The following PSMG4 variants were observed in gnomAD, a reference collection of about 807,000 sequenced individuals.
PSMG4 encodes the protein proteasome (prosome, macropain) assembly chaperone 4.
A neutral mutation model predicts 11.0 loss-of-function variants in PSMG4; 10 were observed. The observed-to-expected ratio is 0.91, with a 90% confidence interval of 0.56 to 1.54. The LOEUF (loss-of-function observed/expected upper bound fraction) is 1.54, where lower values mean the gene tolerates loss of function less well. Among genes scored for constraint, PSMG4 ranks in the 40% most tolerant of loss-of-function variants. The pLI is 0.00. For synonymous variants in PSMG4, 95 were observed against 71.3 expected (o/e 1.33, Z -1.68); for missense variants, 198 against 160.9 (o/e 1.23, Z -1.25).
chr6:3,261,708 T>C (rs1757997095), intron 1 of PSMG4, among the ~76,000 whole-genome samples: 1 of 152,062 alleles, frequency 6.6e-6, no homozygotes, highest in African/African-American at 2.4e-5. Flanking sequence ...GGTGTAGGCA[T>C]TAGCTTAAGG....
upstream of PSMG4, among the ~76,000 whole-genome samples, chr6:3,254,779 T>A (rs908075566): frequency 2.0e-5 from 3 of 152,178 alleles, no homozygotes; most frequent in African/African-American, 7.2e-5. Flanking sequence ...CTGTAGGGTC[T>A]GGCTGAATGC....
Position 3,259,205 on chromosome 6 carries a change from C to T in PSMG4, c.174+9C>T. Reference sequence around the variant, plus strand: ...CCATGTGCAGCCGCTACGTGAGTGCCTGGCGGCCGAGGGTGCGGGCGGCGG... The same window carrying T: ...CCATGTGCAGCCGCTACGTGAGTGCTTGGCGGCCGAGGGTGCGGGCGGCGG... On this transcript the variant is annotated intron_variant, in intron 1 of 2. Coordinates refer to ENST00000438998, the MANE Select transcript of PSMG4 (RefSeq NM_001128591.2). 1 of 1,285,426 alleles carries T rather than the reference C, an allele frequency of 7.8e-7. No homozygotes were observed. The highest frequency in any genetic ancestry group is 9.8e-7 in the Non-Finnish European group (1 of 1,018,136). 79.6% of individuals were successfully genotyped at this position (1,285,426 alleles called of 1,614,324 possible). A position where few individuals can be genotyped will look rare whatever the true frequency, so the allele number is the denominator to read the frequency against.
Position 3,263,774 on chromosome 6 carries a change from C to T in PSMG4, c.250+15C>T. ...CCAGCGCCTAGGTATGTACCCACAG[C>T]TGGCGCTGCATGGCCAGCCAGGTGG... On this transcript the variant is annotated intron_variant, in intron 2 of 2. Transcript: ENST00000438998. 6.5e-7 allele frequency: 1 copy of T among 1,549,346 alleles called. No homozygotes were observed. The highest frequency in any genetic ancestry group is 8.7e-7 in the Non-Finnish European group (1 of 1,145,624).
upstream of PSMG4, chr6:3,258,793 G>A: frequency 2.6e-6 from 1 of 382,504 alleles, no homozygotes; most frequent in Non-Finnish European, 4.6e-6. Context: ...AGGCCAGCAA[G>A]ACAACCAGGG....
At chr6:3,257,058 C>T (rs1217232733), upstream of PSMG4, among the ~76,000 whole-genome samples, 3 of 152,076 alleles carry the variant, frequency 2.0e-5, no homozygotes, top group African/African-American at 7.2e-5. Context: ...ACAGAGTGAG[C>T]AGAAGGAAAG....
chr6:3,256,379 C>G (rs933579427), upstream of PSMG4, among the ~76,000 whole-genome samples: 3 of 152,186 alleles, frequency 2.0e-5, no homozygotes, highest in Non-Finnish European at 4.4e-5. Flanking sequence ...TTTTCTGTTC[C>G]TGTATGGATG....
upstream of PSMG4, chr6:3,255,085 A>T (rs982606623): frequency 6.4e-7 from 1 of 1,551,046 alleles, no homozygotes; most frequent in Non-Finnish European, 8.7e-7. Context: ...TCTATTCCTA[A>T]GAAGTTGGCT....
At chr6:3,254,972 GT>G (rs1757700270), upstream of PSMG4, 2 of 1,406,040 alleles carry the variant, frequency 1.4e-6, no homozygotes, top group Non-Finnish European at 1.9e-6. Context: ...AGCATGTGAT[GT>G]GGCTGTGGAT....
At chr6:3,262,795 T>TTTTC (rs1758039643) in intron 1 of PSMG4, among the ~76,000 whole-genome samples, 1 of 143,500 alleles carries the variant, frequency 7.0e-6, no homozygotes, top group African/African-American at 2.9e-5. Context: ...AATAAGTGTT[T>TTTTC]TTTTTTTCCC....
intron 1 of PSMG4, among the ~76,000 whole-genome samples, chr6:3,260,032 T>A (rs937964958): frequency 1.1e-4 from 17 of 152,072 alleles, no homozygotes; most frequent in African/African-American, 3.6e-4. Context: ...CTCAAACTCC[T>A]GGGCTTAAGT....
At chr6:3,261,098 A>G (rs927047003) in intron 1 of PSMG4, among the ~76,000 whole-genome samples, 27 of 152,344 alleles carry the variant, frequency 1.8e-4, no homozygotes, top group African/African-American at 4.8e-4. Flanking sequence ...TTCTGAAGCC[A>G]GTGAGGCAGT....
upstream of PSMG4, among the ~76,000 whole-genome samples, chr6:3,256,630 C>T (rs955091236): frequency 6.6e-6 from 1 of 152,202 alleles, no homozygotes; most frequent in Non-Finnish European, 1.5e-5. Flanking sequence ...CAACATTCAG[C>T]CGCCTGACCA....
upstream of PSMG4, among the ~76,000 whole-genome samples, chr6:3,254,891 T>C (rs1211563481): frequency 2.0e-5 from 3 of 151,052 alleles, no homozygotes; most frequent in Non-Finnish European, 2.9e-5. Flanking sequence ...ACTCCGACCT[T>C]GTAAGTGAAT....
upstream of PSMG4, among the ~76,000 whole-genome samples, chr6:3,257,228 A>G (rs1423851383): frequency 6.6e-6 from 1 of 152,128 alleles, no homozygotes; most frequent in African/African-American, 2.4e-5. Flanking sequence ...AAGGGGAGTG[A>G]GAGAGGACGC....
chr6:3,263,522 G>C (rs1169793944), intron 1 of PSMG4, among the ~76,000 whole-genome samples, 162 bp from the exon 2 acceptor site: 1 of 152,142 alleles, frequency 6.6e-6, no homozygotes, highest in Admixed American at 6.5e-5. Context: ...CCACCTACTT[G>C]GTTGTTGACG....
chr6:3,267,484 A>G, intron 2 of PSMG4, 107 bp from the exon 3 acceptor site: 6 of 1,344,782 alleles, frequency 4.5e-6, no homozygotes, highest in Non-Finnish European at 5.0e-6. Context: ...TTTTCTCCCT[A>G]CAACCCCATC....
chr6:3,255,302 G>T, upstream of PSMG4: 7 of 1,522,096 alleles, frequency 4.6e-6, 1 homozygote, highest in South Asian at 8.7e-5. Flanking sequence ...CATCCTGGGA[G>T]AGTGGTGGAT....
Position 3,267,798 on chromosome 6 carries a change from C to A in PSMG4, c.*86C>A. On this transcript the variant is annotated 3_prime_UTR_variant, in exon 3 of 3. Transcript: ENST00000438998. ...TGAATTTCAGTTTGTCATCAGGCCG[C>A]GCTCCCGTTTTGTTTTTAAGGGGTT... 1 of 1,383,288 alleles carries A rather than the reference C, an allele frequency of 7.2e-7. No homozygotes were observed. The allele number at this position is 1,383,288 out of a possible 1,614,324, so 85.7% of individuals were successfully genotyped here.
intron 2 of PSMG4, chr6:3,266,717 A>G (rs1333532967): frequency 8.6e-6 from 1 of 116,702 alleles, no homozygotes; most frequent in Non-Finnish European, 1.8e-5. Flanking sequence ...GTGTGTGTCC[A>G]TATGCCTATC....
Sources: gnomAD v4.1 joint callset for allele counts (sites outside exome capture counted in the v4.1 genomes callset) on GRCh38, gnomAD v4.1.1 for gene constraint, MANE v1.5 for transcripts, NCBI Gene and HGNC (gene_info 2026-07-23, HGNC 2026-07-21) for gene names.